BTRC: variants seen among roughly 807,000 people sequenced by gnomAD.
BTRC encodes F-box/WD repeat-containing protein 1A.
A neutral mutation model predicts 85.5 loss-of-function variants in BTRC; 42 were observed. The observed-to-expected ratio is 0.49, with a 90% CI of 0.38 to 0.64. The LOEUF (loss-of-function observed/expected upper bound fraction) is 0.64. Ranked by LOEUF, BTRC falls within the 30% of genes least tolerant of loss-of-function variation. The pLI is 0.00. For missense variants in BTRC, 594 were observed against 743.5 expected (o/e 0.80, Z 2.34); for synonymous variants, 255 against 263.3 (o/e 0.97, Z 0.30).
intron 2 of BTRC, among the ~76,000 whole-genome samples, chr10:101,455,553 TCTC>T (rs1945054242): frequency 6.6e-6 from 1 of 152,152 alleles, no homozygotes; most frequent in East Asian, 1.9e-4. Context: ...GATAAAGGCT[TCTC>T]AGAGAAGGTA....
intron 13 of BTRC, among the ~76,000 whole-genome samples, chr10:101,545,576 G>A (rs1397647200): frequency 6.6e-6 from 1 of 152,168 alleles, no homozygotes; most frequent in Non-Finnish European, 1.5e-5. Flanking sequence ...CTTAAAACAA[G>A]AGGAGATTGG....
At chr10:101,475,948 T>TATATATATATATATATATATATAC (rs1564795659) in intron 3 of BTRC, among the ~76,000 whole-genome samples, 9 of 132,278 alleles carry the variant, frequency 6.8e-5, no homozygotes, top group Non-Finnish European at 1.4e-4. Flanking sequence ...TATATATATA[T>TATATATATATATATATATATATAC]ATATATTCAG....
chr10:101,356,051 C>T (rs1448875183), intron 1 of BTRC, among the ~76,000 whole-genome samples: 1 of 152,086 alleles, frequency 6.6e-6, no homozygotes, highest in Non-Finnish European at 1.5e-5. Flanking sequence ...TGGAGTCTTG[C>T]TTTGTCGCCC....
At chr10:101,404,948 A>G (rs1160873592) in intron 1 of BTRC, among the ~76,000 whole-genome samples, 1 of 149,596 alleles carries the variant, frequency 6.7e-6, no homozygotes, top group African/African-American at 2.5e-5. Flanking sequence ...CAGTGAGCCT[A>G]GATGGTGCCA....
intron 13 of BTRC, among the ~76,000 whole-genome samples, chr10:101,547,707 A>G (rs572387407): frequency 6.6e-6 from 1 of 152,330 alleles, no homozygotes; most frequent in South Asian, 2.1e-4. Flanking sequence ...AAAATGTAAT[A>G]ATGTGCCAAT....
chr10:101,382,997 C>T (rs1417191475), intron 1 of BTRC, among the ~76,000 whole-genome samples: 1 of 149,188 alleles, frequency 6.7e-6, no homozygotes, highest in Non-Finnish European at 1.5e-5. Context: ...TTTTTAAGGG[C>T]TTTTTGTAAC....
intron 3 of BTRC, among the ~76,000 whole-genome samples, chr10:101,470,487 C>T (rs1945493864): frequency 6.6e-6 from 1 of 152,050 alleles, no homozygotes; most frequent in African/African-American, 2.4e-5. Flanking sequence ...CATGCGCCAC[C>T]ACATGCTAAT....
chr10:101,414,693 T>C (rs759932126), intron 1 of BTRC: 1 of 516,624 alleles, frequency 1.9e-6, no homozygotes, highest in Admixed American at 1.9e-5. Flanking sequence ...TAGAAGACAG[T>C]GATATTGATG....
intron 13 of BTRC, among the ~76,000 whole-genome samples, chr10:101,548,059 C>A (rs2062586263): frequency 6.6e-6 from 1 of 152,166 alleles, no homozygotes; most frequent in South Asian, 2.1e-4. Flanking sequence ...TACTACAAAC[C>A]TACCAAAATA....
intron 1 of BTRC, among the ~76,000 whole-genome samples, chr10:101,375,515 G>A (rs1942767093): frequency 2.0e-5 from 3 of 152,150 alleles, no homozygotes; most frequent in Non-Finnish European, 2.9e-5. Flanking sequence ...ATATACAAGG[G>A]TATACATTCA....
At chr10:101,382,024 C>T (rs1382548130) in intron 1 of BTRC, among the ~76,000 whole-genome samples, 3 of 107,156 alleles carry the variant, frequency 2.8e-5, no homozygotes, top group Non-Finnish European at 5.0e-5. Context: ...GCTCTGTTGC[C>T]TAGGCTGGAG....
chr10:101,384,953 T>C (rs1180633382), intron 1 of BTRC, among the ~76,000 whole-genome samples: 2 of 152,132 alleles, frequency 1.3e-5, no homozygotes, highest in Non-Finnish European at 2.9e-5. Context: ...CCAGGTTTGG[T>C]GGCTGTCACC....
chr10:101,434,283 TG>T (rs1168321703), intron 2 of BTRC, among the ~76,000 whole-genome samples: 4 of 152,350 alleles, frequency 2.6e-5, no homozygotes, highest in Non-Finnish European at 5.9e-5. Context: ...AGTTGCAGTA[TG>T]GTATCTGAAG....
At chr10:101,549,393 C>T (rs756503813) in intron 13 of BTRC, among the ~76,000 whole-genome samples, 8 of 151,484 alleles carry the variant, frequency 5.3e-5, no homozygotes, top group Admixed American at 3.9e-4. Context: ...ATCACACTAC[C>T]GCATTCTAGC....
intron 4 of BTRC, among the ~76,000 whole-genome samples, chr10:101,483,962 G>GT (rs1231708148): frequency 6.6e-6 from 1 of 151,954 alleles, no homozygotes; most frequent in Non-Finnish European, 1.5e-5. Context: ...TTGGTCTTAG[G>GT]TTTTTTTCCC....
intron 4 of BTRC, among the ~76,000 whole-genome samples, chr10:101,511,545 TTTTTGTTTTG>T (rs555048085): frequency 1.8e-4 from 26 of 147,620 alleles, no homozygotes; most frequent in African/African-American, 2.9e-4. Flanking sequence ...TATTTTGGGT[TTTTTGTTTTG>T]TTTTGTTTTG....
At chr10:101,544,934 G>A (rs1404676428) in intron 13 of BTRC, among the ~76,000 whole-genome samples, 2 of 151,816 alleles carry the variant, frequency 1.3e-5, no homozygotes, top group African/African-American at 4.8e-5. Flanking sequence ...CGTGCCCAGT[G>A]CAACAACTTT....
chr10:101,433,500 T>C (rs1944452375), intron 2 of BTRC, among the ~76,000 whole-genome samples: 1 of 152,070 alleles, frequency 6.6e-6, no homozygotes, highest in Non-Finnish European at 1.5e-5. Context: ...AAGGAGGACA[T>C]TTCAGGCCTA....
chr10:101,450,761 T>C (rs1265793011), intron 2 of BTRC, among the ~76,000 whole-genome samples: 4 of 152,090 alleles, frequency 2.6e-5, no homozygotes, highest in African/African-American at 7.2e-5. Context: ...CAAGGTGATA[T>C]GTGTGGCCAG....
Sources: allele counts gnomAD v4.1 joint callset (sites outside exome capture counted in the v4.1 genomes callset), GRCh38; gene constraint gnomAD v4.1.1; transcripts MANE v1.5; gene names NCBI Gene and HGNC (gene_info 2026-07-23, HGNC 2026-07-21).